The following NR2F1-AS1 variants were observed in gnomAD, a reference collection of about 807,000 sequenced individuals.
NR2F1-AS1 encodes the protein NR2F1 antisense RNA 1.
At chr5:93,556,451 A>G (rs189271035) in intron 2 of NR2F1-AS1, among the ~76,000 whole-genome samples, 74 of 152,354 alleles carry the variant, frequency 4.9e-4, no homozygotes, top group Non-Finnish European at 8.4e-4. Flanking sequence ...ATCTATCTTC[A>G]GAAAAGTTGC....
At chr5:93,443,023 A>G (rs1217668935) in intron 4 of NR2F1-AS1, among the ~76,000 whole-genome samples, 1 of 152,184 alleles carries the variant, frequency 6.6e-6, no homozygotes. Context: ...GGACGTCCAC[A>G]CCAAAACCCC....
chr5:93,418,578 C>T (rs1042640657), intron 4 of NR2F1-AS1, among the ~76,000 whole-genome samples: 2 of 145,992 alleles, frequency 1.4e-5, no homozygotes, highest in African/African-American at 5.5e-5. Context: ...GAGCGAGACG[C>T]CGTCTCATAA....
chr5:93,418,066 A>C (rs749703800), intron 4 of NR2F1-AS1, among the ~76,000 whole-genome samples: 1 of 152,186 alleles, frequency 6.6e-6, no homozygotes, highest in Non-Finnish European at 1.5e-5. Context: ...GCCTTGGGAC[A>C]CAAGCAAAGC....
chr5:93,439,562 G>A (rs1398159965), intron 4 of NR2F1-AS1, among the ~76,000 whole-genome samples: 1 of 152,196 alleles, frequency 6.6e-6, no homozygotes, highest in Non-Finnish European at 1.5e-5. Context: ...CCAAAGTGCT[G>A]GGATTACAGG....
At chr5:93,478,251 C>G (rs1750527900) in intron 4 of NR2F1-AS1, among the ~76,000 whole-genome samples, 1 of 152,164 alleles carries the variant, frequency 6.6e-6, no homozygotes, top group South Asian at 2.1e-4. Flanking sequence ...TCCACAGACT[C>G]CACCTCTCAG....
intron 4 of NR2F1-AS1, among the ~76,000 whole-genome samples, chr5:93,490,117 C>T (rs1177306611): frequency 6.6e-6 from 1 of 152,134 alleles, no homozygotes; most frequent in African/African-American, 2.4e-5. Context: ...ATGATTCTTG[C>T]TTGTTAAATA....
At chr5:93,530,547 C>T (rs922088380) in intron 4 of NR2F1-AS1, among the ~76,000 whole-genome samples, 5 of 152,064 alleles carry the variant, frequency 3.3e-5, no homozygotes, top group African/African-American at 1.2e-4. Context: ...AGCAGAAGGA[C>T]CAATGGTAAC....
chr5:93,584,934 C>CA, upstream of NR2F1-AS1: 1 of 159,848 alleles, frequency 6.3e-6, no homozygotes, highest in Non-Finnish European at 1.3e-5. Flanking sequence ...TCCCCCCTTC[C>CA]CCTTCCCCTT....
chr5:93,466,910 G>C (rs1276370120), intron 4 of NR2F1-AS1, among the ~76,000 whole-genome samples: 1 of 135,810 alleles, frequency 7.4e-6, no homozygotes, highest in Non-Finnish European at 1.6e-5. Flanking sequence ...TTTTTGGGGG[G>C]GGGGGGGGTG....
intron 4 of NR2F1-AS1, among the ~76,000 whole-genome samples, chr5:93,505,709 G>A (rs575894398): frequency 8.5e-5 from 13 of 152,288 alleles, no homozygotes; most frequent in African/African-American, 2.6e-4. Flanking sequence ...TGACTGGAGC[G>A]GCTGGGACAA....
chr5:93,552,574 A>G (rs760056956), intron 4 of NR2F1-AS1, among the ~76,000 whole-genome samples: 8 of 152,032 alleles, frequency 5.3e-5, no homozygotes, highest in Non-Finnish European at 1.0e-4. Flanking sequence ...CATAACTAAA[A>G]GTAGTTTTGA....
chr5:93,568,755 T>C (rs1473207727), intron 1 of NR2F1-AS1, among the ~76,000 whole-genome samples: 3 of 152,190 alleles, frequency 2.0e-5, no homozygotes, highest in Non-Finnish European at 4.4e-5. Context: ...TAGTATTTAT[T>C]GATTTAATAA....
At chr5:93,447,950 C>T (rs1672743588) in intron 4 of NR2F1-AS1, among the ~76,000 whole-genome samples, 1 of 152,072 alleles carries the variant, frequency 6.6e-6, no homozygotes, top group African/African-American at 2.4e-5. Context: ...ATAGCAAGGA[C>T]AGAAAACCAA....
chr5:93,535,647 A>T (rs541339341), intron 4 of NR2F1-AS1, among the ~76,000 whole-genome samples: 1 of 152,284 alleles, frequency 6.6e-6, no homozygotes, highest in East Asian at 1.9e-4. Flanking sequence ...CATTAAAAAG[A>T]TCATTCATTC....
intron 2 of NR2F1-AS1, among the ~76,000 whole-genome samples, chr5:93,562,571 G>T (rs1246216844): frequency 6.6e-6 from 1 of 152,156 alleles, no homozygotes; most frequent in Non-Finnish European, 1.5e-5. Context: ...TGGGATTACA[G>T]GCGTGAGCCA....
chr5:93,419,787 A>C (rs1420892359), intron 4 of NR2F1-AS1, among the ~76,000 whole-genome samples: 3 of 152,210 alleles, frequency 2.0e-5, no homozygotes, highest in African/African-American at 7.2e-5. Context: ...TAAAGAAATA[A>C]TACAAAAATA....
chr5:93,486,203 T>A (rs62369935), intron 4 of NR2F1-AS1, among the ~76,000 whole-genome samples: 1 of 147,358 alleles, frequency 6.8e-6, no homozygotes, highest in Non-Finnish European at 1.5e-5. Flanking sequence ...GCATGGCACA[T>A]GTATACATAT....
At chr5:93,420,561 G>A (rs1484128655) in intron 4 of NR2F1-AS1, among the ~76,000 whole-genome samples, 1 of 152,160 alleles carries the variant, frequency 6.6e-6, no homozygotes, top group Non-Finnish European at 1.5e-5. Flanking sequence ...AGAAGGCTGG[G>A]AGCAGGGAAT....
intron 4 of NR2F1-AS1, among the ~76,000 whole-genome samples, chr5:93,476,314 A>T (rs894468352): frequency 3.9e-5 from 6 of 152,208 alleles, no homozygotes; most frequent in Admixed American, 3.9e-4. Context: ...TGCTGCATGA[A>T]CAATGCCAGC....
Sources: gnomAD v4.1 joint callset for allele counts (sites outside exome capture counted in the v4.1 genomes callset) on GRCh38, gnomAD v4.1.1 for gene constraint, MANE v1.5 for transcripts, NCBI Gene and HGNC (gene_info 2026-07-23, HGNC 2026-07-21) for gene names.